Variants in ADARB2 observed in about 807,000 individuals in gnomAD.
The protein encoded by ADARB2 is adenosine deaminase RNA specific B2 (inactive), also known as inactive double-stranded RNA-specific editase B2.
A neutral mutation model predicts 62.2 loss-of-function variants in ADARB2; 25 were observed. The observed-to-expected ratio is 0.40, with a 90% CI of 0.29 to 0.56. The LOEUF (loss-of-function observed/expected upper bound fraction) is 0.56, where lower values mean the gene tolerates loss of function less well. Ranked by LOEUF, ADARB2 falls within the 20% of genes least tolerant of loss-of-function variation. The pLI is 0.43. For synonymous variants in ADARB2, 572 were observed against 500.8 expected (o/e 1.14, Z -1.90); for missense variants, 1,071 against 1,077.4 (o/e 0.99, Z 0.08).
At chr10:1,525,973 G>A (rs965139663) in intron 1 of ADARB2, among the ~76,000 whole-genome samples, 11 of 151,896 alleles carry the variant, frequency 7.2e-5, no homozygotes, top group South Asian at 2.1e-4. Flanking sequence ...GCTTATGTGC[G>A]TGTGTGCATG....
intron 1 of ADARB2, among the ~76,000 whole-genome samples, chr10:1,467,725 G>A (rs992363876): frequency 6.6e-6 from 1 of 152,208 alleles, no homozygotes; most frequent in Non-Finnish European, 1.5e-5. Context: ...GGCACACCCT[G>A]CTCTGGGAAA....
chr10:1,270,051 T>C (rs1350184213), intron 4 of ADARB2, among the ~76,000 whole-genome samples: 2 of 152,232 alleles, frequency 1.3e-5, no homozygotes, highest in Non-Finnish European at 2.9e-5. Context: ...AGCTTCATTT[T>C]CATTTTACCA....
intron 8 of ADARB2, among the ~76,000 whole-genome samples, chr10:1,198,959 C>G (rs1836946589): frequency 6.6e-6 from 1 of 152,200 alleles, no homozygotes; most frequent in African/African-American, 2.4e-5. Flanking sequence ...TAAATAAGCC[C>G]TTCAGTAGGT....
intron 3 of ADARB2, among the ~76,000 whole-genome samples, chr10:1,342,549 C>T (rs1242051513): frequency 6.6e-6 from 1 of 152,148 alleles, no homozygotes; most frequent in Non-Finnish European, 1.5e-5. Context: ...GATCGCAGAC[C>T]CATGGGAGGA....
rs1833976523 is a variant in ADARB2 at position 1,641,410 on chromosome 10, C to T, written c.100+95641G>A. Among the ~76,000 whole-genome samples, 3 of 152,342 alleles carry T rather than the reference C, an allele frequency of 2.0e-5. No homozygotes were observed. The South Asian group carries it at 6.2e-4, about 32-fold the overall frequency. On this transcript the variant is annotated intron_variant, in intron 1 of 9. Coordinates refer to ENST00000381312, the MANE Select transcript of ADARB2 (RefSeq NM_018702.4). Reference sequence around the variant, plus strand: ...ACAAATGATGTGAACAACCCAATATCAGGTCTAAAAACCACATAGGCTGTT... The same window carrying T: ...ACAAATGATGTGAACAACCCAATATTAGGTCTAAAAACCACATAGGCTGTT...
chr10:1,302,817 C>T (rs977245302), intron 3 of ADARB2, among the ~76,000 whole-genome samples: 8 of 152,160 alleles, frequency 5.3e-5, no homozygotes, highest in African/African-American at 1.9e-4. Context: ...AGCTGAGGGT[C>T]CTGTCTGTTA....
intron 1 of ADARB2, among the ~76,000 whole-genome samples, chr10:1,490,703 C>T (rs1237601094): frequency 6.6e-6 from 1 of 152,300 alleles, no homozygotes; most frequent in East Asian, 1.9e-4. Flanking sequence ...GATCTGCTCT[C>T]TTTGGCTTCC....
chr10:1,263,405 C>T (rs1040328721), intron 4 of ADARB2, among the ~76,000 whole-genome samples: 6 of 152,116 alleles, frequency 3.9e-5, no homozygotes, highest in Admixed American at 3.9e-4. Flanking sequence ...TTTTCACCAA[C>T]AAAGTTAGTG....
intron 1 of ADARB2, among the ~76,000 whole-genome samples, chr10:1,696,967 T>C (rs1466445413): frequency 8.4e-6 from 1 of 119,460 alleles, no homozygotes; most frequent in Non-Finnish European, 2.0e-5. Flanking sequence ...GAGATTATTT[T>C]GTGATTTTTT....
intron 5 of ADARB2, among the ~76,000 whole-genome samples, chr10:1,234,872 C>A (rs1451991203): frequency 6.7e-6 from 1 of 149,010 alleles, no homozygotes; most frequent in Non-Finnish European, 1.5e-5. Flanking sequence ...CCTCAGCCTC[C>A]TGAGTAGTTG....
At chr10:1,252,565 C>T (rs1228423939) in intron 4 of ADARB2, among the ~76,000 whole-genome samples, 1 of 152,156 alleles carries the variant, frequency 6.6e-6, no homozygotes, top group Non-Finnish European at 1.5e-5. Flanking sequence ...TCTCTGAATA[C>T]TCGCAGTGAA....
At position 1,181,911 on chromosome 10, in the gene ADARB2, G is replaced by C. The variant is rs550452470; in HGVS notation, c.*1282C>G. On this transcript the variant is annotated 3_prime_UTR_variant, in exon 10 of 10. Transcript: ENST00000381312. ...GATACTTGGAAAAGAGCCTGACCCC[G>C]TATGAATACAGCGCCTTGGCTCTCA... The C allele has an allele frequency of 6.6e-6, 1 of 152,204 alleles. No homozygotes were observed. Among genetic ancestry groups the C allele is most frequent in the East Asian group, 1.9e-4 (1 of 5,204 alleles). 9.4% of individuals were successfully genotyped at this position (152,204 alleles called of 1,614,324 possible). A position where few individuals can be genotyped will look rare whatever the true frequency, so the allele number is the denominator to read the frequency against.
At chr10:1,342,914 A>C (rs1832043437) in intron 3 of ADARB2, among the ~76,000 whole-genome samples, 1 of 152,236 alleles carries the variant, frequency 6.6e-6, no homozygotes, top group Non-Finnish European at 1.5e-5. Context: ...AGTGATCTCC[A>C]AATTGGGGAA....
chr10:1,609,163 T>A (rs1036378091), intron 1 of ADARB2, among the ~76,000 whole-genome samples: 3 of 152,220 alleles, frequency 2.0e-5, no homozygotes, highest in Admixed American at 2.0e-4. Context: ...GCTTTTCGGA[T>A]TCGCTCAGCT....
chr10:1,569,768 T>TA lies in ADARB2; in HGVS notation c.100+167282dup, dbSNP rs112405466. On this transcript the variant is annotated intron_variant, in intron 1 of 9. Transcript: ENST00000381312. ...TATTTTCTAAAGTATCATTTTTTTT[T>TA]AAAAAAATGTAATACTGCTCAAAAT... Among the ~76,000 whole-genome samples, 1,074 of 151,894 alleles carry TA rather than the reference T, an allele frequency of 7.1e-3. 8 individuals are homozygous for TA. The highest frequency in any genetic ancestry group is 0.02 in the African/African-American group (816 of 41,256).
intron 6 of ADARB2, among the ~76,000 whole-genome samples, chr10:1,217,535 T>C (rs996252172): frequency 1.3e-5 from 2 of 152,224 alleles, no homozygotes; most frequent in Non-Finnish European, 2.9e-5. Flanking sequence ...ACCGTTTTTC[T>C]CACTTTTCAG....
chr10:1,687,029 C>CTTTTTTT lies in ADARB2; in HGVS notation c.100+50015_100+50021dup, dbSNP rs397952487. Among the ~76,000 whole-genome samples the CTTTTTTT allele has an allele frequency of 2.3e-5, 3 of 129,004 alleles. 1 individual carries two copies. Among genetic ancestry groups the CTTTTTTT allele is most frequent in the African/African-American group, 5.9e-5 (2 of 33,768 alleles). The allele number at this position is 129,004 out of a possible 152,430, so 84.6% of individuals were successfully genotyped here. ...TGCCTCCCATGGGTCATGACATTGC[C>CTTTTTTT]TTTTTTTTTTTTTTTTTTGACAAGT... On this transcript the variant is annotated intron_variant, in intron 1 of 9. Coordinates refer to ENST00000381312, the MANE Select transcript of ADARB2 (RefSeq NM_018702.4).
chr10:1,507,846 A>C (rs1831871625), intron 1 of ADARB2, among the ~76,000 whole-genome samples: 1 of 152,194 alleles, frequency 6.6e-6, no homozygotes, highest in African/African-American at 2.4e-5. Flanking sequence ...CAGCCCTCCC[A>C]GTCCTGGATT....
chr10:1,408,875 G>T (rs911865700), intron 1 of ADARB2, among the ~76,000 whole-genome samples: 14 of 152,228 alleles, frequency 9.2e-5, no homozygotes, highest in Admixed American at 1.3e-4. Context: ...GGGACCCAAC[G>T]CCTGCTGCAG....
Sources: gnomAD v4.1 joint callset for allele counts (sites outside exome capture counted in the v4.1 genomes callset) on GRCh38, gnomAD v4.1.1 for gene constraint, MANE v1.5 for transcripts, NCBI Gene and HGNC (gene_info 2026-07-23, HGNC 2026-07-21) for gene names.